MYO1D: variants seen among roughly 807,000 people sequenced by gnomAD.
MYO1D encodes myosin ID, also known as unconventional myosin-Id.
In MYO1D, 83 loss-of-function variants were observed where a neutral mutation model predicts 122.0. The observed-to-expected ratio is 0.68, with a 90% CI of 0.57 to 0.82. The LOEUF (loss-of-function observed/expected upper bound fraction) is 0.82. Ranked by LOEUF, MYO1D falls within the 40% of genes least tolerant of loss-of-function variation. MYO1D has a pLI of 0.00. For missense variants in MYO1D, 1,157 were observed against 1,269.5 expected (o/e 0.91, Z 1.35); for synonymous variants, 464 against 446.9 (o/e 1.04, Z -0.48).
At chr17:32,683,548 C>G (rs1211413911) in intron 16 of MYO1D, among the ~76,000 whole-genome samples, 2 of 152,006 alleles carry the variant, frequency 1.3e-5, no homozygotes, top group Non-Finnish European at 2.9e-5. Context: ...GGGTGCCTCC[C>G]AGTTAGGCTG....
intron 16 of MYO1D, among the ~76,000 whole-genome samples, chr17:32,710,876 C>T (rs75822124): frequency 0.14 from 21,692 of 152,064 alleles, 1,987 homozygotes; most frequent in Middle Eastern, 0.28. Flanking sequence ...AATGAGATAT[C>T]ATTCTATCTA....
chr17:32,685,771 C>T (rs1015194459), intron 16 of MYO1D, among the ~76,000 whole-genome samples: 4 of 152,200 alleles, frequency 2.6e-5, no homozygotes, highest in Middle Eastern at 3.2e-3. Flanking sequence ...CAAATAAGTA[C>T]GTTGCTAACT....
intron 19 of MYO1D, among the ~76,000 whole-genome samples, chr17:32,640,237 G>A (rs2088176562): frequency 1.3e-5 from 2 of 152,178 alleles, no homozygotes; most frequent in South Asian, 4.1e-4. Context: ...CATAGCAACA[G>A]CTTTTGCTAT....
intron 21 of MYO1D, chr17:32,518,301 G>A (rs1365741568): frequency 6.3e-6 from 1 of 158,128 alleles, no homozygotes; most frequent in Non-Finnish European, 1.4e-5. Context: ...GCCTGGTGTG[G>A]AAGACTCTTG....
At chr17:32,560,566 T>A (rs1241475232) in intron 21 of MYO1D, among the ~76,000 whole-genome samples, 5 of 115,984 alleles carry the variant, frequency 4.3e-5, no homozygotes, top group Non-Finnish European at 9.0e-5. Context: ...TATATATATA[T>A]ATATATATAT....
At position 32,494,861 on chromosome 17, in the gene MYO1D, G is replaced by A. The variant is rs746818529; in HGVS notation, c.2919C>T (p.His973=). Residue 973 remains histidine (H), a synonymous_variant, in exon 22 of 22, where the codon CAC becomes CAT. Transcript: ENST00000318217. ...CCACGGAGACGGTGCACTTCTTCCC[G>A]TGCAGGCTGCACTGTACTGGGTTGG... is the stretch of plus-strand genomic sequence containing the variant. ...NVTNPVQCSL[H]GKKCTVSVET... 1.2e-5 allele frequency: 19 copies of A among 1,614,060 alleles called. No individual in the cohort carries two copies. Among genetic ancestry groups the A allele is most frequent in the African/African-American group, 1.3e-5 (1 of 75,062 alleles).
chr17:32,642,071 A>G (rs1312694207), intron 19 of MYO1D, among the ~76,000 whole-genome samples: 3 of 152,146 alleles, frequency 2.0e-5, no homozygotes, highest in Non-Finnish European at 4.4e-5. Context: ...TAGGTCTAAC[A>G]TTTTAGTCTT....
intron 1 of MYO1D, among the ~76,000 whole-genome samples, chr17:32,817,766 A>G (rs116977658): frequency 2.2e-3 from 342 of 152,286 alleles, no homozygotes; most frequent in Non-Finnish European, 3.7e-3. Context: ...AATCTTCACA[A>G]CAACCCTATA....
At chr17:32,712,238 G>A (rs755537162) in intron 15 of MYO1D, 43 bp from the exon 16 acceptor site, 29 of 1,514,972 alleles carry the variant, frequency 1.9e-5, no homozygotes, top group African/African-American at 2.8e-5. Context: ...AAAACCATAT[G>A]GTCATCTCAA....
chr17:32,530,674 G>A (rs1375310805), intron 21 of MYO1D, among the ~76,000 whole-genome samples: 1 of 152,156 alleles, frequency 6.6e-6, no homozygotes, highest in African/African-American at 2.4e-5. Flanking sequence ...GGTGGTGCAT[G>A]CCTGTAGTCC....
intron 15 of MYO1D, among the ~76,000 whole-genome samples, chr17:32,716,721 C>T (rs544840072): frequency 2.6e-5 from 4 of 152,340 alleles, no homozygotes; most frequent in South Asian, 4.1e-4. Flanking sequence ...GTTTCAGGCA[C>T]GCTTCAGAAA....
intron 14 of MYO1D, among the ~76,000 whole-genome samples, chr17:32,735,660 T>C (rs2089693240): frequency 6.6e-6 from 1 of 152,170 alleles, no homozygotes; most frequent in Non-Finnish European, 1.5e-5. Context: ...CCCACTATGA[T>C]GGTGGACTTG....
At chr17:32,826,706 A>G (rs1179294644) in intron 1 of MYO1D, among the ~76,000 whole-genome samples, 1 of 152,234 alleles carries the variant, frequency 6.6e-6, no homozygotes, top group African/African-American at 2.4e-5. Flanking sequence ...TGAATAGAAG[A>G]CAAACTAGTA....
intron 1 of MYO1D, among the ~76,000 whole-genome samples, chr17:32,817,626 T>C (rs1320971374): frequency 6.6e-6 from 1 of 152,066 alleles, no homozygotes; most frequent in African/African-American, 2.4e-5. Flanking sequence ...AAGGATCCAG[T>C]AGAGGTTGAT....
intron 21 of MYO1D, among the ~76,000 whole-genome samples, chr17:32,551,444 C>G (rs537682813): frequency 1.4e-4 from 21 of 152,302 alleles, no homozygotes; most frequent in Middle Eastern, 3.4e-3. Flanking sequence ...ATCCTGAAAG[C>G]ACCACCTTGT....
At chr17:32,748,268 T>C (rs2089859866) in intron 12 of MYO1D, among the ~76,000 whole-genome samples, 1 of 152,226 alleles carries the variant, frequency 6.6e-6, no homozygotes. Context: ...TTTTTGCTTA[T>C]GCAGTTACCC....
At chr17:32,782,227 TAG>T (rs1239937385) in intron 1 of MYO1D, among the ~76,000 whole-genome samples, 2 of 152,368 alleles carry the variant, frequency 1.3e-5, no homozygotes, top group East Asian at 3.9e-4. Context: ...ATCAAGTATT[TAG>T]AGTATTTTAA....
intron 6 of MYO1D, among the ~76,000 whole-genome samples, chr17:32,769,322 G>GTT (rs756449082): frequency 4.7e-4 from 72 of 152,316 alleles, no homozygotes; most frequent in Admixed American, 4.0e-3. Context: ...TGGCAGAGTT[G>GTT]TAAGTTGGGG....
intron 11 of MYO1D, among the ~76,000 whole-genome samples, chr17:32,751,326 G>A (rs7212113): frequency 0.68 from 103,845 of 151,946 alleles, 35,741 homozygotes; most frequent in Middle Eastern, 0.77. Flanking sequence ...AGAATAGCAT[G>A]TGTAATAAAC....
Sources: gnomAD v4.1 joint callset for allele counts (sites outside exome capture counted in the v4.1 genomes callset) on GRCh38, gnomAD v4.1.1 for gene constraint, MANE v1.5 for transcripts, NCBI Gene and HGNC (gene_info 2026-07-23, HGNC 2026-07-21) for gene names.